The following HHAT variants were observed in gnomAD, a reference collection of about 807,000 sequenced individuals.
The protein encoded by HHAT is protein-cysteine N-palmitoyltransferase HHAT.
In HHAT, 47 loss-of-function variants were observed where a neutral mutation model predicts 70.8. The observed-to-expected ratio is 0.66, with a 90% CI of 0.53 to 0.85. The LOEUF is 0.85. HHAT is among the 40% of genes least tolerant of loss of function. HHAT has a pLI of 0.00. For synonymous variants in HHAT, 228 were observed against 247.6 expected (o/e 0.92, Z 0.74); for missense variants, 609 against 604.8 (o/e 1.01, Z -0.07).
intron 4 of HHAT, among the ~76,000 whole-genome samples, chr1:210,398,094 G>A (rs1413688332): frequency 1.3e-5 from 2 of 152,250 alleles, no homozygotes; most frequent in South Asian, 2.1e-4. Flanking sequence ...TGCCTCCCAG[G>A]TTCAAGCGAT....
chr1:210,631,989 G>A (rs1670952451), intron 11 of HHAT, among the ~76,000 whole-genome samples: 1 of 152,206 alleles, frequency 6.6e-6, no homozygotes, highest in Admixed American at 6.5e-5. Context: ...GATTGTTGAA[G>A]GGTCAGAGCT....
chr1:210,328,793 G>C (rs935999323), upstream of HHAT: 2 of 363,850 alleles, frequency 5.5e-6, no homozygotes, highest in African/African-American at 2.1e-5. Flanking sequence ...GGGCAAACGC[G>C]GTTCAGAAAC....
chr1:210,633,880 T>C (rs985016159), intron 11 of HHAT, among the ~76,000 whole-genome samples: 40 of 152,152 alleles, frequency 2.6e-4, no homozygotes, highest in African/African-American at 9.7e-4. Context: ...CTCCTCTGGC[T>C]ATTGTAGCGT....
intron 3 of HHAT, among the ~76,000 whole-genome samples, chr1:210,380,602 G>A (rs1323674692): frequency 6.6e-6 from 1 of 152,008 alleles, no homozygotes; most frequent in African/African-American, 2.4e-5. Flanking sequence ...CTTTGTTACA[G>A]GTAACCGTAG....
At chr1:210,666,373 C>T (rs1185559030) in intron 11 of HHAT, among the ~76,000 whole-genome samples, 1 of 152,208 alleles carries the variant, frequency 6.6e-6, no homozygotes, top group East Asian at 1.9e-4. Context: ...CCACAGAGGC[C>T]TCAGGGGAAG....
At chr1:210,357,269 C>T (rs540511082) in intron 2 of HHAT, among the ~76,000 whole-genome samples, 89 of 152,258 alleles carry the variant, frequency 5.8e-4, no homozygotes, top group African/African-American at 2.0e-3. Flanking sequence ...AACATGGCAC[C>T]TTGGCATTTG....
chr1:210,328,942 G>T lies in HHAT; in HGVS notation c.-206G>T. On this transcript the variant is annotated 5_prime_UTR_variant, in exon 1 of 12. Coordinates refer to ENST00000261458, the MANE Select transcript of HHAT (RefSeq NM_018194.6). Reference sequence around the variant, plus strand: ...GGCGTGCTCGGAGGACGCGCGCTGCGCTGCTCCTCCAAAGGGCAGCTCCGG... The same window carrying T: ...GGCGTGCTCGGAGGACGCGCGCTGCTCTGCTCCTCCAAAGGGCAGCTCCGG... The T allele has an allele frequency of 8.7e-7, 1 of 1,152,280 alleles. No homozygotes were observed. Among genetic ancestry groups the T allele is most frequent in the South Asian group, 3.0e-5 (1 of 33,760 alleles). The allele number at this position is 1,152,280 out of a possible 1,614,324, so 71.4% of individuals were successfully genotyped here.
chr1:210,374,112 CATA>C (rs1558383040), intron 3 of HHAT: 2 of 147,190 alleles, frequency 1.4e-5, no homozygotes, highest in South Asian at 2.2e-4. Flanking sequence ...AAAGTTGCAC[CATA>C]ATGTTTTCCT....
chr1:210,433,589 G>A (rs920723543), intron 7 of HHAT, among the ~76,000 whole-genome samples: 2 of 151,722 alleles, frequency 1.3e-5, no homozygotes, highest in African/African-American at 2.4e-5. Context: ...AGTGGTGGCT[G>A]CTTGTCTGTC....
At chr1:210,632,698 T>G (rs1189222592) in intron 11 of HHAT, among the ~76,000 whole-genome samples, 1 of 152,242 alleles carries the variant, frequency 6.6e-6, no homozygotes, top group Non-Finnish European at 1.5e-5. Flanking sequence ...GTTTGGGGGC[T>G]GCTTTTCATT....
At chr1:210,670,615 A>G (rs1184975259) in intron 11 of HHAT, among the ~76,000 whole-genome samples, 1 of 152,132 alleles carries the variant, frequency 6.6e-6, no homozygotes, top group South Asian at 2.1e-4. Context: ...ACCATTCATG[A>G]TGATTCTGTC....
chr1:210,571,209 C>G (rs764732235), intron 9 of HHAT, among the ~76,000 whole-genome samples: 18 of 152,188 alleles, frequency 1.2e-4, no homozygotes, highest in Non-Finnish European at 2.5e-4. Flanking sequence ...CATGCCTTTC[C>G]CTTTCTTGTC....
At chr1:210,336,868 G>A (rs2085548188) in intron 1 of HHAT, among the ~76,000 whole-genome samples, 1 of 152,164 alleles carries the variant, frequency 6.6e-6, no homozygotes, top group African/African-American at 2.4e-5. Context: ...TTAAAATCTT[G>A]TAAAAAGTTA....
intron 9 of HHAT, among the ~76,000 whole-genome samples, chr1:210,516,718 G>T (rs1365640375): frequency 6.6e-6 from 1 of 150,454 alleles, no homozygotes; most frequent in Admixed American, 6.7e-5. Context: ...AGGCTGTATT[G>T]AATGCTTAGT....
intron 8 of HHAT, among the ~76,000 whole-genome samples, chr1:210,469,825 T>C (rs1034928867): frequency 6.6e-6 from 1 of 152,030 alleles, no homozygotes; most frequent in African/African-American, 2.4e-5. Flanking sequence ...CACACCACCA[T>C]ACACAGCCAA....
intron 3 of HHAT, among the ~76,000 whole-genome samples, chr1:210,376,720 T>C (rs1008085529): frequency 6.6e-6 from 1 of 152,160 alleles, no homozygotes; most frequent in Non-Finnish European, 1.5e-5. Context: ...TTGGACAGCT[T>C]GGGCAGCTAA....
At chr1:210,460,730 C>T (rs1449051494) in intron 7 of HHAT, among the ~76,000 whole-genome samples, 1 of 151,934 alleles carries the variant, frequency 6.6e-6, no homozygotes, top group Non-Finnish European at 1.5e-5. Flanking sequence ...TAGTATTTTG[C>T]CAAGAAAAGA....
At chr1:210,593,962 T>C (rs1348778065) in intron 10 of HHAT, among the ~76,000 whole-genome samples, 2 of 152,176 alleles carry the variant, frequency 1.3e-5, no homozygotes, top group African/African-American at 4.8e-5. Flanking sequence ...TTGAAATCTA[T>C]TTTGTCTGAT....
intron 10 of HHAT, among the ~76,000 whole-genome samples, chr1:210,615,183 T>G (rs996739825): frequency 6.6e-6 from 1 of 152,240 alleles, no homozygotes; most frequent in Non-Finnish European, 1.5e-5. Flanking sequence ...CATTTTTTCC[T>G]GTGTCTTTTG....
Sources: gnomAD v4.1 joint callset for allele counts (sites outside exome capture counted in the v4.1 genomes callset) on GRCh38, gnomAD v4.1.1 for gene constraint, MANE v1.5 for transcripts, NCBI Gene and HGNC (gene_info 2026-07-23, HGNC 2026-07-21) for gene names.